The following NR6A1 variants were observed in gnomAD, a reference collection of about 807,000 sequenced individuals.
The protein encoded by NR6A1 is retinoic acid receptor-related testis-associated receptor.
NR6A1 carries 7 observed loss-of-function variants against 59.1 expected under a neutral mutation model. The observed-to-expected ratio is 0.12, with a 90% confidence interval of 0.07 to 0.22. The LOEUF (loss-of-function observed/expected upper bound fraction) is 0.22, where lower values mean the gene tolerates loss of function less well. Among genes scored for constraint, NR6A1 ranks in the 10% least tolerant of loss-of-function variants. The probability of loss-of-function intolerance (pLI) is 1.00; values close to 1 mark genes in which losing one functional copy is unlikely to be tolerated. For synonymous variants in NR6A1, 243 were observed against 236.1 expected (o/e 1.03, Z -0.27); for missense variants, 468 against 611.6 (o/e 0.77, Z 2.48).
At chr9:124,544,278 G>C (rs1016397454) in intron 3 of NR6A1, among the ~76,000 whole-genome samples, 2 of 152,140 alleles carry the variant, frequency 1.3e-5, no homozygotes, top group African/African-American at 4.8e-5. Flanking sequence ...ATCAGAACAG[G>C]TTTTTTGGTT....
chr9:124,745,333 C>T (rs1840294611), intron 1 of NR6A1, among the ~76,000 whole-genome samples: 1 of 151,926 alleles, frequency 6.6e-6, no homozygotes, highest in Non-Finnish European at 1.5e-5. Flanking sequence ...CTCCATTCTA[C>T]TTTTCTGATT....
chr9:124,771,215 A>T lies in NR6A1; in HGVS notation c.-96T>A. 2 of 675,516 alleles carry T rather than the reference A, an allele frequency of 3.0e-6. No homozygotes were observed. The highest frequency in any genetic ancestry group is 1.5e-4 in the South Asian group (2 of 13,480). The allele number at this position is 675,516 out of a possible 1,614,324, so 41.8% of individuals were successfully genotyped here. A position where few individuals can be genotyped will look rare whatever the true frequency, so the allele number is the denominator to read the frequency against. On this transcript the variant is annotated 5_prime_UTR_variant, in exon 1 of 10. Coordinates refer to ENST00000487099, the MANE Select transcript of NR6A1 (RefSeq NM_033334.4). ...CGTCCGCCGAGGGGAGGAGGTTGTC[A>T]GGAGCCCGCGAGCTCCCGGCCGCGG... is the stretch of plus-strand genomic sequence containing the variant.
Position 124,771,255 on chromosome 9 carries a change from C to G in NR6A1, c.-136G>C, listed in dbSNP as rs1435983040. ...CCCGGCCGCGGCTCTCTCTGGGCCC[C>G]GAGCCGCCCGGCTCCGCGCCGCTCC... On this transcript the variant is annotated 5_prime_UTR_variant, in exon 1 of 10. Coordinates refer to ENST00000487099, the MANE Select transcript of NR6A1 (RefSeq NM_033334.4). 2.3e-5 allele frequency: 10 copies of G among 438,476 alleles called. No homozygotes were observed. The highest frequency in any genetic ancestry group is 8.9e-5 in the Admixed American group (2 of 22,546). The allele number at this position is 438,476 out of a possible 1,614,324, so 27.2% of individuals were successfully genotyped here. A position where few individuals can be genotyped will look rare whatever the true frequency, so the allele number is the denominator to read the frequency against.
chr9:124,550,971 T>C (rs1429612162), intron 3 of NR6A1, among the ~76,000 whole-genome samples: 1 of 152,250 alleles, frequency 6.6e-6, no homozygotes, highest in Admixed American at 6.5e-5. Flanking sequence ...ACAGTTATTG[T>C]TCCTCAAGTT....
At chr9:124,710,665 G>T (rs575374505) in intron 2 of NR6A1, among the ~76,000 whole-genome samples, 3 of 152,146 alleles carry the variant, frequency 2.0e-5, no homozygotes, top group African/African-American at 7.2e-5. Flanking sequence ...AAAGCTACAT[G>T]CAAGTAACTT....
intron 2 of NR6A1, among the ~76,000 whole-genome samples, chr9:124,730,219 G>A (rs9299299): frequency 0.13 from 20,258 of 152,076 alleles, 3,676 homozygotes; most frequent in African/African-American, 0.4. Context: ...ACCCACATAC[G>A]CTAAGTACAA....
At chr9:124,583,389 G>C (rs930041842) in intron 2 of NR6A1, among the ~76,000 whole-genome samples, 4 of 152,162 alleles carry the variant, frequency 2.6e-5, no homozygotes. Flanking sequence ...GTTAAGTAAG[G>C]CTATAGCATG....
intron 2 of NR6A1, among the ~76,000 whole-genome samples, chr9:124,581,979 TG>T (rs1786590677): frequency 6.6e-6 from 1 of 152,012 alleles, no homozygotes; most frequent in African/African-American, 2.4e-5. Flanking sequence ...TTGGTGAGAG[TG>T]AATATTAGTT....
chr9:124,727,711 G>A (rs1448276676), intron 2 of NR6A1, among the ~76,000 whole-genome samples: 1 of 152,084 alleles, frequency 6.6e-6, no homozygotes, highest in Admixed American at 6.6e-5. Flanking sequence ...TTAATACAGG[G>A]TCTCGCTCTG....
chr9:124,725,402 G>GA (rs528574208), intron 2 of NR6A1, among the ~76,000 whole-genome samples: 2,856 of 140,326 alleles, frequency 0.02, 81 homozygotes, highest in African/African-American at 0.065. Context: ...TAAAAAAAAA[G>GA]AAAAAAAAAA....
rs116679494 is a variant in NR6A1 at position 124,753,149 on chromosome 9, A to G, written c.100+17871T>C. Among the ~76,000 whole-genome samples, 462 of 152,316 alleles carry G rather than the reference A, an allele frequency of 3.0e-3. 2 individuals are homozygous for G. The highest frequency in any genetic ancestry group is 0.011 in the African/African-American group (443 of 41,566). On this transcript the variant is annotated intron_variant, in intron 1 of 9. Transcript: ENST00000487099. ...AAGAGAAGGCATCATAAAACATTCC[A>G]AAGCTGTTAGTACCTTTTCCACTCT...
chr9:124,697,420 T>C (rs1051307632), intron 2 of NR6A1, among the ~76,000 whole-genome samples: 7 of 151,336 alleles, frequency 4.6e-5, no homozygotes, highest in Admixed American at 4.6e-4. Flanking sequence ...TGAGAGCAAA[T>C]AATAGGAGGG....
At chr9:124,591,498 G>T (rs1835125051) in intron 2 of NR6A1, among the ~76,000 whole-genome samples, 1 of 152,186 alleles carries the variant, frequency 6.6e-6, no homozygotes, top group Non-Finnish European at 1.5e-5. Flanking sequence ...ACGAGTCCTT[G>T]CCACACAGAC....
intron 1 of NR6A1, 42 bp downstream of exon 1, chr9:124,770,978 C>G (rs1841137975): frequency 9.1e-7 from 1 of 1,096,974 alleles, no homozygotes; most frequent in Non-Finnish European, 1.2e-6. Context: ...GCTCAGGAAG[C>G]CGGTTCCTGC....
At chr9:124,534,372 A>C (rs1833191811) in intron 7 of NR6A1, among the ~76,000 whole-genome samples, 1 of 152,116 alleles carries the variant, frequency 6.6e-6, no homozygotes, top group South Asian at 2.1e-4. Flanking sequence ...GTGCCTGGCT[A>C]TAAGACTTTT....
chr9:124,703,830 A>AT (rs34956391), intron 2 of NR6A1, among the ~76,000 whole-genome samples: 70 of 148,856 alleles, frequency 4.7e-4, no homozygotes, highest in Admixed American at 8.7e-4. Flanking sequence ...TGCTTCCTTG[A>AT]TTTTTTTTTT....
chr9:124,730,047 G>A (rs984501789), intron 2 of NR6A1, among the ~76,000 whole-genome samples: 16 of 151,772 alleles, frequency 1.1e-4, no homozygotes, highest in East Asian at 5.8e-4. Context: ...TCCTGACCTC[G>A]GGTGATCCGC....
intron 2 of NR6A1, among the ~76,000 whole-genome samples, chr9:124,717,374 G>A (rs574428815): frequency 6.6e-6 from 1 of 152,106 alleles, no homozygotes; most frequent in African/African-American, 2.4e-5. Flanking sequence ...TACGGTCAAA[G>A]GAATACTCCT....
intron 2 of NR6A1, among the ~76,000 whole-genome samples, chr9:124,681,469 G>C (rs1279758788): frequency 6.6e-6 from 1 of 151,312 alleles, no homozygotes; most frequent in Non-Finnish European, 1.5e-5. Context: ...AGCCTCCTGA[G>C]TAGCTGGGAC....
Sources: gnomAD v4.1 joint callset for allele counts (sites outside exome capture counted in the v4.1 genomes callset) on GRCh38, gnomAD v4.1.1 for gene constraint, MANE v1.5 for transcripts, NCBI Gene and HGNC (gene_info 2026-07-23, HGNC 2026-07-21) for gene names.